The following DMD variants were observed in gnomAD, a reference collection of about 807,000 sequenced individuals.
DMD encodes mutant dystrophin.
A neutral mutation model predicts 330.1 loss-of-function variants in DMD; 63 were observed. The observed-to-expected ratio is 0.19, with a 90% CI of 0.16 to 0.24. The LOEUF is 0.24. Ranked by LOEUF, DMD falls within the 10% of genes least tolerant of loss-of-function variation. The pLI, the probability that DMD is intolerant of heterozygous loss-of-function variation, is 1.00. For synonymous variants in DMD, 1,223 were observed against 959.8 expected, an observed-to-expected ratio of 1.27 and a Z score of -5.07; for missense variants, 3,344 against 2,684.1, an observed-to-expected ratio of 1.25 and a Z score of -5.43.
At position 31,836,828 on chromosome X, in the gene DMD, A is replaced by G. The variant is rs1603484595; in HGVS notation, c.7099-9T>C. 5 of 1,183,164 alleles carry G rather than the reference A, an allele frequency of 4.2e-6. No homozygotes were observed. In the East Asian group the frequency reaches 1.5e-4, roughly 35 times the overall value. ...ACTGCTATTTCAGTTTCCTGGGGAA[A>G]AGAACCCATATAGTGCAGATTAACT... On this transcript the variant is annotated splice_polypyrimidine_tract_variant and intron_variant, in intron 48 of 78. Transcript: ENST00000357033.
At chrX:31,832,031 T>G in intron 49 of DMD, among the ~76,000 whole-genome samples, 1 of 112,825 alleles carries the variant, frequency 8.9e-6, no homozygotes, top group Non-Finnish European at 1.9e-5. Flanking sequence ...GGCATGGAAA[T>G]TGTGCTCAAT....
chrX:31,478,167 G>A lies in DMD; in HGVS notation c.8876C>T (p.Ser2959Phe). The A allele has an allele frequency of 8.3e-7, 1 of 1,210,972 alleles. No individual in the cohort carries two copies. Among genetic ancestry groups the A allele is most frequent in the Non-Finnish European group, 1.1e-6 (1 of 895,140 alleles). Residue 2959 changes from serine to phenylalanine, a missense_variant, in exon 59 of 79, where the codon TCC (serine) becomes TTC (phenylalanine). Physicochemically the swap from Ser to Phe is radical, Grantham distance 155. Coordinates refer to ENST00000357033, the MANE Select transcript of DMD (RefSeq NM_004006.3). ...GAGGAGATCGCCCACGGGCTGCCAGGATCCCTTGATCACCTCAGCTTGGCG... is the reference window on the plus strand; with the variant it reads ...GAGGAGATCGCCCACGGGCTGCCAGAATCCCTTGATCACCTCAGCTTGGCG... ...KLRQAEVIKGSWQPVGDLLID... is the reference protein window; with the variant it reads ...KLRQAEVIKGFWQPVGDLLID...
chrX:32,831,181 C>T (rs1054716923), intron 4 of DMD, among the ~76,000 whole-genome samples: 2 of 110,711 alleles, frequency 1.8e-5, no homozygotes, highest in African/African-American at 6.5e-5. Flanking sequence ...TTTGCTTGTT[C>T]GAGACAGGCA....
intron 9 of DMD, among the ~76,000 whole-genome samples, chrX:32,680,222 T>G (rs898556727): frequency 9.0e-6 from 1 of 111,027 alleles, no homozygotes; most frequent in African/African-American, 3.3e-5. Context: ...TAAATTTTTG[T>G]ACTCTTAAAA....
At chrX:33,254,018 C>T (rs188828198) in intron 1 of DMD, among the ~76,000 whole-genome samples, 266 of 110,757 alleles carry the variant, frequency 2.4e-3, no homozygotes, top group South Asian at 0.015. Flanking sequence ...AGCTTATACT[C>T]ATTTCTATAT....
chrX:33,322,152 A>G (rs1038798329), intron 1 of DMD, among the ~76,000 whole-genome samples: 1 of 111,512 alleles, frequency 9.0e-6, no homozygotes, highest in East Asian at 2.8e-4. Flanking sequence ...TTTCCTTTGC[A>G]TTCACACCTT....
At chrX:31,360,689 G>A (rs1041180500) in intron 60 of DMD, among the ~76,000 whole-genome samples, 1 of 111,774 alleles carries the variant, frequency 8.9e-6, no homozygotes, top group Non-Finnish European at 1.9e-5. Flanking sequence ...GGAACCACTG[G>A]TTTGTTGCAG....
intron 17 of DMD, among the ~76,000 whole-genome samples, chrX:32,521,133 C>G: frequency 1.8e-5 from 2 of 111,536 alleles, no homozygotes; most frequent in Admixed American, 1.9e-4. Context: ...GAACTTTATT[C>G]TCTTACTTTT....
At chrX:32,811,176 AT>A (rs1352261473) in intron 6 of DMD, among the ~76,000 whole-genome samples, 2 of 88,832 alleles carry the variant, frequency 2.3e-5, no homozygotes, top group Non-Finnish European at 4.0e-5. Flanking sequence ...TCTACAACTT[AT>A]TAAAAAAAAA....
At chrX:32,731,537 G>T (rs185358162) in intron 7 of DMD, among the ~76,000 whole-genome samples, 1,871 of 112,247 alleles carry the variant, frequency 0.017, 44 homozygotes, top group African/African-American at 0.057. Context: ...AGAGAGCAGT[G>T]GTTCTCCCAG....
intron 1 of DMD, among the ~76,000 whole-genome samples, chrX:33,144,282 G>T (rs1451162880): frequency 2.7e-5 from 3 of 111,306 alleles, no homozygotes; most frequent in Non-Finnish European, 5.7e-5. Context: ...AAGGGTAGTG[G>T]GGAGGGGGTG....
chrX:31,140,875 GAAGA>G (rs2035958640), intron 76 of DMD, among the ~76,000 whole-genome samples: 1 of 112,067 alleles, frequency 8.9e-6, no homozygotes, highest in East Asian at 2.8e-4. Context: ...GTTGTAGGCA[GAAGA>G]AAGAAGTACT....
At chrX:32,252,059 C>T (rs182111939) in intron 43 of DMD, among the ~76,000 whole-genome samples, 246 of 111,557 alleles carry the variant, frequency 2.2e-3, no homozygotes, top group African/African-American at 7.6e-3. Context: ...AATGGTTTTC[C>T]GTTGCACTTA....
At chrX:32,357,376 ATGTT>A (rs1267445678) in intron 37 of DMD, among the ~76,000 whole-genome samples, 6 of 111,236 alleles carry the variant, frequency 5.4e-5, no homozygotes, top group African/African-American at 1.6e-4. Flanking sequence ...ACCTAGAAAA[ATGTT>A]AGAAATGCAA....
chrX:33,019,851 T>C (rs983070389), intron 2 of DMD, among the ~76,000 whole-genome samples: 6 of 111,353 alleles, frequency 5.4e-5, no homozygotes, highest in Non-Finnish European at 1.1e-4. Context: ...AGCTACTTGA[T>C]GGAAGATTGC....
At chrX:32,248,430 T>C (rs2097250733) in intron 43 of DMD, among the ~76,000 whole-genome samples, 1 of 111,067 alleles carries the variant, frequency 9.0e-6, no homozygotes, top group Middle Eastern at 4.3e-3. Flanking sequence ...TTGGAGCTGT[T>C]TACATATCTT....
chrX:31,704,698 G>T, intron 52 of DMD, among the ~76,000 whole-genome samples: 1 of 111,325 alleles, frequency 9.0e-6, no homozygotes, highest in Non-Finnish European at 1.9e-5. Flanking sequence ...CCAGAACTTG[G>T]TCTCAAGCAA....
At chrX:33,249,233 C>A (rs962051690) in intron 1 of DMD, among the ~76,000 whole-genome samples, 1 of 112,170 alleles carries the variant, frequency 8.9e-6, no homozygotes, top group Non-Finnish European at 1.9e-5. Context: ...TCATTGCGAC[C>A]TCCACCTCCT....
intron 18 of DMD, 99 bp downstream of exon 18, chrX:32,517,909 C>T (rs750970394): frequency 7.1e-5 from 64 of 905,255 alleles, no homozygotes; most frequent in Middle Eastern, 6.7e-4. Flanking sequence ...TTTATCATAT[C>T]GCATTAATCT....
Sources: allele counts gnomAD v4.1 joint callset (sites outside exome capture counted in the v4.1 genomes callset), GRCh38; gene constraint gnomAD v4.1.1; transcripts MANE v1.5; gene names NCBI Gene and HGNC (gene_info 2026-07-23, HGNC 2026-07-21).